IL33: variants seen among roughly 807,000 people sequenced by gnomAD.
IL33 encodes interleukin 33.
IL33 carries 37 observed loss-of-function variants against 27.3 expected under a neutral mutation model. The ratio of observed to expected loss-of-function variants is 1.36; its 90% CI spans 1.04 to 1.78. The LOEUF is 1.78. Ranked by LOEUF, IL33 falls within the 40% of genes most tolerant of loss-of-function variation. The pLI is 0.00. For synonymous variants in IL33, 132 were observed against 102.9 expected (o/e 1.28, Z -1.71); for missense variants, 406 against 311.4 (o/e 1.30, Z -2.29).
At chr9:6,222,863 T>C (rs1818469595) in intron 1 of IL33, among the ~76,000 whole-genome samples, 1 of 152,206 alleles carries the variant, frequency 6.6e-6, no homozygotes, top group Non-Finnish European at 1.5e-5. Context: ...AGGGAACAGT[T>C]GACTTTATGA....
intron 2 of IL33, among the ~76,000 whole-genome samples, chr9:6,249,072 A>G (rs943653070): frequency 2.6e-5 from 4 of 152,230 alleles, no homozygotes; most frequent in Admixed American, 1.3e-4. Flanking sequence ...TATAAATACA[A>G]GATACCACCG....
intron 1 of IL33, among the ~76,000 whole-genome samples, chr9:6,230,981 A>T (rs1046671682): frequency 6.6e-6 from 1 of 152,208 alleles, no homozygotes; most frequent in African/African-American, 2.4e-5. Context: ...CTCCAGAAAC[A>T]CAGTGACATT....
intron 1 of IL33, among the ~76,000 whole-genome samples, chr9:6,227,406 T>C (rs1818688353): frequency 6.6e-6 from 1 of 152,222 alleles, no homozygotes; most frequent in African/African-American, 2.4e-5. Flanking sequence ...AAAATACATC[T>C]TGCAGCATTT....
In IL33 at chr9:6,252,068, C is replaced by CAAAAAAAAAAAAA; in HGVS notation, c.344-796_344-795insAAAAAAAAAAAAA. On this transcript the variant is annotated intron_variant, in intron 4 of 7. Coordinates refer to ENST00000682010, the MANE Select transcript of IL33 (RefSeq NM_033439.4). Reference sequence around the variant, plus strand: ...ACAAACAAACAAACAAAAAAAAACCCAACAAAAAACAAAACAAAACAAAAA... The same window carrying CAAAAAAAAAAAAA: ...ACAAACAAACAAACAAAAAAAAACCCAAAAAAAAAAAAAAACAAAAAACAAAACAAAACAAAAA... Among the ~76,000 whole-genome samples, 3 of 74,888 alleles carry CAAAAAAAAAAAAA rather than the reference C, an allele frequency of 4.0e-5. 1 individual carries two copies. Among genetic ancestry groups the CAAAAAAAAAAAAA allele is most frequent in the Non-Finnish European group, 7.8e-5 (3 of 38,218 alleles). The allele number at this position is 74,888 out of a possible 152,430, so 49.1% of individuals were successfully genotyped here. A position where few individuals can be genotyped will look rare whatever the true frequency, so the allele number is the denominator to read the frequency against.
chr9:6,249,506 A>G (rs1816205502), intron 2 of IL33, among the ~76,000 whole-genome samples: 1 of 152,218 alleles, frequency 6.6e-6, no homozygotes, highest in Non-Finnish European at 1.5e-5. Flanking sequence ...TTTTCCAAGT[A>G]GCAAATTTAA....
chr9:6,241,553 T>C, intron 1 of IL33, 131 bp from the exon 2 acceptor site: 2 of 565,862 alleles, frequency 3.5e-6, no homozygotes, highest in Non-Finnish European at 6.4e-6. Flanking sequence ...GAATACTACG[T>C]TCAAACTTTA....
intron 1 of IL33, among the ~76,000 whole-genome samples, chr9:6,239,436 C>T (rs1384975980): frequency 3.3e-5 from 5 of 152,118 alleles, no homozygotes; most frequent in African/African-American, 1.2e-4. Flanking sequence ...CACATGCACA[C>T]TGGAAGGACA....
At chr9:6,225,078 A>T (rs1253128385) in intron 1 of IL33, among the ~76,000 whole-genome samples, 1 of 152,144 alleles carries the variant, frequency 6.6e-6, no homozygotes, top group Non-Finnish European at 1.5e-5. Flanking sequence ...GATTTCCATG[A>T]CTGAGATTTA....
intron 2 of IL33, among the ~76,000 whole-genome samples, chr9:6,244,580 T>C (rs1239197159): frequency 6.6e-6 from 1 of 152,080 alleles, no homozygotes; most frequent in Non-Finnish European, 1.5e-5. Flanking sequence ...AAATATCTTA[T>C]TGTATTTCAC....
chr9:6,233,836 T>C (rs1388267181), intron 1 of IL33, among the ~76,000 whole-genome samples: 2 of 152,176 alleles, frequency 1.3e-5, no homozygotes, highest in Non-Finnish European at 2.9e-5. Context: ...CTTTCTTTCT[T>C]TGTTCCCTTT....
At chr9:6,233,305 A>G (rs1819017342) in intron 1 of IL33, among the ~76,000 whole-genome samples, 1 of 152,188 alleles carries the variant, frequency 6.6e-6, no homozygotes, top group Non-Finnish European at 1.5e-5. Context: ...CCATTTTATA[A>G]GACCCTTAAG....
At chr9:6,234,168 C>T (rs1159261791) in intron 1 of IL33, among the ~76,000 whole-genome samples, 1 of 152,252 alleles carries the variant, frequency 6.6e-6, no homozygotes, top group Non-Finnish European at 1.5e-5. Context: ...CTGCTCCACA[C>T]TCAGCCAAGA....
chr9:6,234,245 TAA>T (rs1277158587), intron 1 of IL33, among the ~76,000 whole-genome samples: 1 of 152,218 alleles, frequency 6.6e-6, no homozygotes, highest in African/African-American at 2.4e-5. Flanking sequence ...TCCACATGGC[TAA>T]GTTTGGCCTC....
intron 1 of IL33, among the ~76,000 whole-genome samples, chr9:6,220,148 T>G (rs1485831724): frequency 6.6e-6 from 1 of 152,146 alleles, no homozygotes; most frequent in Non-Finnish European, 1.5e-5. Context: ...AACTTTTTTT[T>G]GCCATTCCCA....
At chr9:6,237,110 C>G (rs769284482) in intron 1 of IL33, among the ~76,000 whole-genome samples, 10 of 152,106 alleles carry the variant, frequency 6.6e-5, no homozygotes, top group Non-Finnish European at 1.5e-4. Context: ...TACAGGAAAC[C>G]TCATCATCTG....
chr9:6,227,136 T>C (rs1285965274), intron 1 of IL33, among the ~76,000 whole-genome samples: 1 of 152,262 alleles, frequency 6.6e-6, no homozygotes, highest in African/African-American at 2.4e-5. Context: ...AGACAAGGTT[T>C]CTGGGTATTC....
At position 6,254,570 on chromosome 9, in the gene IL33, T is replaced by G. The variant is rs62554485; in HGVS notation, c.612+17T>G. The G allele has an allele frequency of 7.6e-7, 1 of 1,314,598 alleles. No individual in the cohort carries two copies. Among genetic ancestry groups the G allele is most frequent in the South Asian group, 1.4e-5 (1 of 70,090 alleles). 81.4% of individuals were successfully genotyped at this position (1,314,598 alleles called of 1,614,324 possible). A position where few individuals can be genotyped will look rare whatever the true frequency, so the allele number is the denominator to read the frequency against. The stretch of plus-strand genomic sequence containing the variant: ...TCTGTGGAGGTAAAAAAAAAAAATT[T>G]ATCTATATCTATATATATGATTACA... On this transcript the variant is annotated intron_variant, in intron 7 of 7. Coordinates refer to ENST00000682010, the MANE Select transcript of IL33 (RefSeq NM_033439.4).
chr9:6,253,775 T>C (rs866796261), intron 6 of IL33, among the ~76,000 whole-genome samples, 173 bp downstream of exon 6: 2 of 152,226 alleles, frequency 1.3e-5, no homozygotes, highest in South Asian at 2.1e-4. Context: ...TCATCCATTT[T>C]ACAGCTTAAT....
chr9:6,230,782 C>T (rs545512804), intron 1 of IL33, among the ~76,000 whole-genome samples: 1 of 152,158 alleles, frequency 6.6e-6, no homozygotes, highest in African/African-American at 2.4e-5. Flanking sequence ...CCAAGCTTGA[C>T]AAGGAGATGA....
Sources: gnomAD v4.1 joint callset for allele counts (sites outside exome capture counted in the v4.1 genomes callset) on GRCh38, gnomAD v4.1.1 for gene constraint, MANE v1.5 for transcripts, NCBI Gene and HGNC (gene_info 2026-07-23, HGNC 2026-07-21) for gene names.